TRAPPC9: variants seen among roughly 807,000 people sequenced by gnomAD.
TRAPPC9 encodes the protein trafficking protein particle complex subunit 9, also known as IKK2 binding protein.
A neutral mutation model predicts 124.0 loss-of-function variants in TRAPPC9; 83 were observed. The ratio of observed to expected loss-of-function variants is 0.67; its 90% confidence interval spans 0.56 to 0.80. TRAPPC9 has a LOEUF of 0.80. TRAPPC9 is among the 30% of genes least tolerant of loss of function. The probability of loss-of-function intolerance (pLI) is 0.00; values close to 1 mark genes in which losing one functional copy is unlikely to be tolerated. For missense variants in TRAPPC9, 1,302 were observed against 1,508.3 expected, an observed-to-expected ratio of 0.86 and a Z score of 2.27; for synonymous variants, 638 against 617.5, an observed-to-expected ratio of 1.03 and a Z score of -0.49.
At chr8:140,436,934 A>T (rs1245002399) in intron 3 of TRAPPC9, among the ~76,000 whole-genome samples, 1 of 152,102 alleles carries the variant, frequency 6.6e-6, no homozygotes. Context: ...TAGCCTCTTT[A>T]AAAAACTAAA....
chr8:139,926,607 TA>T (rs57775985), intron 19 of TRAPPC9, among the ~76,000 whole-genome samples: 1,982 of 140,378 alleles, frequency 0.014, 39 homozygotes, highest in African/African-American at 0.045. Flanking sequence ...TGAATTAAAA[TA>T]AAAAAAAAAA....
Position 140,252,879 on chromosome 8 carries a change from G to A in TRAPPC9, c.2329C>T (p.Gln777Ter), listed in dbSNP as rs765701688. ...ACCTTCCCAGGCTGCAAAGGGAACT[G>A]GGCAAGGGTTTCCTCTAGCTTCCAG... The part of the protein sequence containing the change: ...LSWKLEETLA[Q>*]FPLQPGKVAT... Residue 777 changes from glutamine to a stop codon, truncating the protein, a stop_gained, in exon 16 of 23, where the codon CAG becomes TAG. Transcript: ENST00000438773. LOFTEE classifies it high-confidence loss of function. The surrounding 1 kb of genome is among the most constrained non-coding windows in gnomAD (Gnocchi z 4.2). The A allele has an allele frequency of 6.2e-7, 1 of 1,614,118 alleles. No homozygotes were observed.
intron 21 of TRAPPC9, among the ~76,000 whole-genome samples, chr8:139,785,025 T>C (rs554115198): frequency 7.9e-5 from 12 of 151,578 alleles, no homozygotes; most frequent in African/African-American, 2.7e-4. Context: ...ACTTTAGGAG[T>C]TTTCGCACAA....
intron 17 of TRAPPC9, among the ~76,000 whole-genome samples, chr8:140,143,214 G>A (rs1199618837): frequency 6.6e-6 from 1 of 152,202 alleles, no homozygotes; most frequent in Non-Finnish European, 1.5e-5. Context: ...GTGGTGTACA[G>A]GCATCCATCA....
intron 17 of TRAPPC9, among the ~76,000 whole-genome samples, chr8:140,157,831 G>T (rs1265442465): frequency 4.6e-5 from 7 of 152,090 alleles, no homozygotes; most frequent in Non-Finnish European, 1.0e-4. Context: ...TAACATCTTG[G>T]TGTATATTCT....
At chr8:140,269,315 G>A (rs998166455) in intron 15 of TRAPPC9, among the ~76,000 whole-genome samples, 5 of 151,814 alleles carry the variant, frequency 3.3e-5, no homozygotes, top group Non-Finnish European at 7.4e-5. Flanking sequence ...ACTGAGGCGG[G>A]CAGATCACGA....
chr8:140,457,271 C>G (rs1238269181), intron 1 of TRAPPC9, among the ~76,000 whole-genome samples: 1 of 152,152 alleles, frequency 6.6e-6, no homozygotes, highest in Non-Finnish European at 1.5e-5. Context: ...GAGGGGAAGC[C>G]AGGCGGAGAC....
chr8:140,345,807 C>T (rs2067332632), intron 9 of TRAPPC9, among the ~76,000 whole-genome samples: 1 of 152,190 alleles, frequency 6.6e-6, no homozygotes, highest in Admixed American at 6.5e-5. Context: ...CCTGCAGTCA[C>T]CACGGAAGGG....
At chr8:140,061,500 A>G (rs1416470902) in intron 17 of TRAPPC9, among the ~76,000 whole-genome samples, 1 of 152,214 alleles carries the variant, frequency 6.6e-6, no homozygotes, top group African/African-American at 2.4e-5. Context: ...CGGCACAGTG[A>G]GTACAGAGCC....
At chr8:139,932,239 C>T in intron 19 of TRAPPC9, 1 of 437,354 alleles carries the variant, frequency 2.3e-6, no homozygotes, top group Non-Finnish European at 4.6e-6. Flanking sequence ...CTTCGCCGTG[C>T]AGCCGAGGGA....
At chr8:139,800,994 G>T (rs1823476702) in intron 21 of TRAPPC9, among the ~76,000 whole-genome samples, 1 of 129,804 alleles carries the variant, frequency 7.7e-6, no homozygotes, top group Non-Finnish European at 1.6e-5. Context: ...CCCCCGCTCT[G>T]GCACCTTCCC....
chr8:139,992,009 C>G (rs191273605), intron 18 of TRAPPC9, among the ~76,000 whole-genome samples: 1 of 151,808 alleles, frequency 6.6e-6, no homozygotes, highest in Non-Finnish European at 1.5e-5. Context: ...AGGGCAGGAC[C>G]AATGGGGTTG....
intron 9 of TRAPPC9, among the ~76,000 whole-genome samples, chr8:140,336,561 A>G (rs535448457): frequency 3.5e-4 from 54 of 152,322 alleles, no homozygotes; most frequent in African/African-American, 1.2e-3. Flanking sequence ...CCAGTAACGC[A>G]CACCCTCATC....
At chr8:140,309,132 G>C (rs2066221627) in intron 10 of TRAPPC9, among the ~76,000 whole-genome samples, 1 of 152,176 alleles carries the variant, frequency 6.6e-6, no homozygotes, top group African/African-American at 2.4e-5. Flanking sequence ...CAACAGCCGA[G>C]GGACTAAAAT....
At chr8:140,122,045 CTCTCTCCCTT>C (rs2060998748) in intron 17 of TRAPPC9, among the ~76,000 whole-genome samples, 1 of 151,826 alleles carries the variant, frequency 6.6e-6, no homozygotes, top group Non-Finnish European at 1.5e-5. Context: ...CTCTCTCTCT[CTCTCTCCCTT>C]TCTCCCTCCC....
intron 5 of TRAPPC9, among the ~76,000 whole-genome samples, chr8:140,422,276 C>T (rs2132526066): frequency 6.6e-6 from 1 of 151,272 alleles, no homozygotes; most frequent in Middle Eastern, 3.5e-3. Context: ...TATAGAGCAC[C>T]TTAAGTCGTA....
chr8:140,219,934 G>A (rs1297183594), intron 17 of TRAPPC9, among the ~76,000 whole-genome samples: 1 of 152,214 alleles, frequency 6.6e-6, no homozygotes, highest in Non-Finnish European at 1.5e-5. Flanking sequence ...ATCCATCGGG[G>A]AATGGTGGAA....
intron 17 of TRAPPC9, among the ~76,000 whole-genome samples, chr8:140,199,191 C>G (rs1257699345): frequency 6.6e-6 from 1 of 152,098 alleles, no homozygotes; most frequent in East Asian, 1.9e-4. Context: ...ACCTGGGGGT[C>G]TGTGGAATGT....
intron 17 of TRAPPC9, among the ~76,000 whole-genome samples, chr8:140,094,683 A>G (rs2130245589): frequency 6.6e-6 from 1 of 152,298 alleles, no homozygotes; most frequent in South Asian, 2.1e-4. Context: ...TATCTGACCT[A>G]GCACTGGGCA....
Sources: gnomAD v4.1 joint callset for allele counts (sites outside exome capture counted in the v4.1 genomes callset) on GRCh38, gnomAD v4.1.1 for gene constraint, Gnocchi (gnomAD v3.1) non-coding constraint, MANE v1.5 for transcripts, NCBI Gene and HGNC (gene_info 2026-07-23, HGNC 2026-07-21) for gene names.